The following GRM1 variants were observed in gnomAD, a reference collection of about 807,000 sequenced individuals.
GRM1 encodes glutamate metabotropic receptor 1.
In GRM1, 33 loss-of-function variants were observed where a neutral mutation model predicts 90.9. That is an observed-to-expected ratio of 0.36 (90% CI 0.28 to 0.49). The LOEUF is 0.49. Ranked by LOEUF, GRM1 falls within the 20% of genes least tolerant of loss-of-function variation. The pLI, the probability that GRM1 is intolerant of heterozygous loss-of-function variation, is 0.99. For synonymous variants in GRM1, 700 were observed against 613.2 expected (o/e 1.14, Z -2.09); for missense variants, 1,190 against 1,534.3 (o/e 0.78, Z 3.75).
Position 146,304,639 on chromosome 6 carries a change from A to G in GRM1, c.979A>G (p.Ile327Val). 2 of 1,613,630 alleles carry G rather than the reference A, an allele frequency of 1.2e-6. No homozygotes were observed. The highest frequency in any genetic ancestry group is 1.7e-6 in the Non-Finnish European group (2 of 1,179,630). The change falls in exon 3 of 8, where the codon ATT becomes GTT. Residue 327 changes from isoleucine (I) to valine (V), a missense_variant. Physicochemically the swap from Ile to Val is conservative, Grantham distance 29 (BLOSUM62 3). Transcript: ENST00000282753. ...TGGATGGGCAGACAGAGATGAAGTCATTGAAGGTTATGAGGTGGAAGCCAA... is the reference window on the plus strand; with the variant it reads ...TGGATGGGCAGACAGAGATGAAGTCGTTGAAGGTTATGAGGTGGAAGCCAA... ...SDGWADRDEV[I>V]EGYEVEANGG...
chr6:146,159,711 T>C, intron 2 of GRM1, 114 bp downstream of exon 2: 1 of 1,017,176 alleles, frequency 9.8e-7, no homozygotes, highest in Non-Finnish European at 1.5e-6. Context: ...ACTTGCTAAC[T>C]CCAAAGTGGG....
At chr6:146,177,158 G>A (rs911413295) in intron 2 of GRM1, among the ~76,000 whole-genome samples, 27 of 152,090 alleles carry the variant, frequency 1.8e-4, no homozygotes, top group African/African-American at 6.5e-4. Context: ...AAAGAAAGCA[G>A]CAAAGTAAAG....
chr6:146,309,715 A>T (rs996142781), intron 3 of GRM1, among the ~76,000 whole-genome samples: 1 of 152,168 alleles, frequency 6.6e-6, no homozygotes, highest in African/African-American at 2.4e-5. Context: ...ATAAAAAAAA[A>T]AGCACTGAAT....
intron 2 of GRM1, among the ~76,000 whole-genome samples, chr6:146,205,104 G>A (rs1346699077): frequency 6.6e-6 from 1 of 152,142 alleles, no homozygotes; most frequent in African/African-American, 2.4e-5. Flanking sequence ...GAACTTTTAA[G>A]TAATGTGAAA....
At chr6:146,122,821 CTTTCT>C (rs1230504587) in intron 1 of GRM1, among the ~76,000 whole-genome samples, 3 of 106,564 alleles carry the variant, frequency 2.8e-5, no homozygotes, top group East Asian at 5.3e-4. Context: ...TTTTCTTTTT[CTTTCT>C]TTTCTTTTCT....
chr6:146,129,740 C>A (rs983772952), intron 1 of GRM1, among the ~76,000 whole-genome samples: 3 of 152,172 alleles, frequency 2.0e-5, no homozygotes, highest in African/African-American at 7.2e-5. Context: ...TTATTAGGAT[C>A]TCCCTATGGC....
rs370275716 is a variant in GRM1 at position 146,031,316 on chromosome 6, G to A, written c.700+1099G>A. On this transcript the variant is annotated intron_variant, in intron 1 of 7. Coordinates refer to ENST00000282753, the MANE Select transcript of GRM1 (RefSeq NM_001278064.2). Reference sequence around the variant, plus strand: ...TAAGCTGGCAGAAGAAGACAATCTTGCTGGTATTTCTGTATTCATATTTCT... The same window carrying A: ...TAAGCTGGCAGAAGAAGACAATCTTACTGGTATTTCTGTATTCATATTTCT... Among the ~76,000 whole-genome samples, 6 of 152,224 alleles carry A rather than the reference G, an allele frequency of 3.9e-5. No homozygotes were observed. The East Asian group carries it at 7.7e-4, about 20-fold the overall frequency.
At chr6:146,349,889 TA>T (rs1321827643) in intron 3 of GRM1, among the ~76,000 whole-genome samples, 1 of 152,232 alleles carries the variant, frequency 6.6e-6, no homozygotes, top group East Asian at 1.9e-4. Flanking sequence ...TATACATACA[TA>T]TTTTTATGTT....
intron 2 of GRM1, among the ~76,000 whole-genome samples, chr6:146,230,637 G>A (rs949324940): frequency 3.9e-5 from 6 of 152,040 alleles, no homozygotes; most frequent in East Asian, 3.9e-4. Context: ...CACTCTTACC[G>A]TGCAATCTAG....
intron 1 of GRM1, among the ~76,000 whole-genome samples, chr6:146,139,058 T>A (rs1776738108): frequency 6.6e-6 from 1 of 152,136 alleles, no homozygotes; most frequent in Non-Finnish European, 1.5e-5. Context: ...ATTTTTCAAT[T>A]TTCTTCTTAA....
At chr6:146,318,663 C>T (rs891625588) in intron 3 of GRM1, among the ~76,000 whole-genome samples, 1 of 152,152 alleles carries the variant, frequency 6.6e-6, no homozygotes. Flanking sequence ...TCTCCAGAAT[C>T]TGTTGTTTCC....
chr6:146,337,461 C>T (rs1235272455), intron 3 of GRM1, among the ~76,000 whole-genome samples: 11 of 152,148 alleles, frequency 7.2e-5, no homozygotes, highest in South Asian at 2.1e-4. Flanking sequence ...ATTCCTAAAA[C>T]GTTCTTTGGA....
At chr6:146,352,760 T>G (rs1158919142) in intron 4 of GRM1, among the ~76,000 whole-genome samples, 1 of 152,180 alleles carries the variant, frequency 6.6e-6, no homozygotes, top group Admixed American at 6.5e-5. Context: ...TTGACCCTTT[T>G]TCCAGAATGC....
intron 2 of GRM1, among the ~76,000 whole-genome samples, chr6:146,244,474 G>A (rs911010025): frequency 6.6e-6 from 1 of 152,130 alleles, no homozygotes; most frequent in Admixed American, 6.6e-5. Context: ...AAATGTCTAG[G>A]TGTTTGGCAG....
Position 146,146,103 on chromosome 6 carries a change from C to CTTTTTTTTTTTTTTTTTTT in GRM1, c.701-13227_701-13209dup, listed in dbSNP as rs35329703. On this transcript the variant is annotated intron_variant, in intron 1 of 7. Coordinates refer to ENST00000282753, the MANE Select transcript of GRM1 (RefSeq NM_001278064.2). ...CTGTGCCTATGTACTACCATTGTAT[C>CTTTTTTTTTTTTTTTTTTT]TTTTTTTTTTTTTTTTTTTTTTTTT... 3.5e-3 allele frequency among the ~76,000 whole-genome samples: 69 copies of CTTTTTTTTTTTTTTTTTTT among 19,988 alleles called. 28 individuals carry two copies. Among genetic ancestry groups the CTTTTTTTTTTTTTTTTTTT allele is most frequent in the Non-Finnish European group, 5.7e-3 (54 of 9,440 alleles). The allele number at this position is 19,988 out of a possible 152,430, so 13.1% of individuals were successfully genotyped here.
In GRM1 at chr6:146,418,435, A is replaced by G. The variant is rs557953166; in HGVS notation, c.2661-15437A>G. ...CAATTTGGAATATATTGGGAAGCAC[A>G]AGGAAGCTAATATTAATTACTTCCA... is the stretch of plus-strand genomic sequence containing the variant. On this transcript the variant is annotated intron_variant, in intron 7 of 7. Coordinates refer to ENST00000282753, the MANE Select transcript of GRM1 (RefSeq NM_001278064.2). Among the ~76,000 whole-genome samples the G allele has an allele frequency of 2.2e-4, 33 of 151,920 alleles. 1 individual carries two copies. The South Asian group carries it at 4.2e-3, about 19-fold the overall frequency.
intron 2 of GRM1, among the ~76,000 whole-genome samples, chr6:146,198,079 G>T (rs1484858046): frequency 1.3e-5 from 2 of 152,212 alleles, no homozygotes; most frequent in Non-Finnish European, 2.9e-5. Flanking sequence ...TGATTGTAGT[G>T]ATGGTATCAT....
intron 3 of GRM1, among the ~76,000 whole-genome samples, chr6:146,318,724 AG>A (rs1784066260): frequency 6.6e-6 from 1 of 151,982 alleles, no homozygotes; most frequent in Non-Finnish European, 1.5e-5. Flanking sequence ...TATCTCATTG[AG>A]GTTTTGATTT....
At chr6:146,168,173 ATG>A (rs756929651) in intron 2 of GRM1, among the ~76,000 whole-genome samples, 14 of 151,946 alleles carry the variant, frequency 9.2e-5, no homozygotes, top group Non-Finnish European at 1.6e-4. Flanking sequence ...AATGTAATAT[ATG>A]TGTGTGTGTA....
Sources: allele counts gnomAD v4.1 joint callset (sites outside exome capture counted in the v4.1 genomes callset), GRCh38; gene constraint gnomAD v4.1.1; transcripts MANE v1.5; gene names NCBI Gene and HGNC (gene_info 2026-07-23, HGNC 2026-07-21).